Variants in SEMA3D observed in about 807,000 individuals in gnomAD.
SEMA3D encodes semaphorin 3D.
A neutral mutation model predicts 100.1 loss-of-function variants in SEMA3D; 84 were observed. The ratio of observed to expected loss-of-function variants is 0.84; its 90% CI spans 0.70 to 1.01. The LOEUF (loss-of-function observed/expected upper bound fraction) is 1.01. Among genes scored for constraint, SEMA3D ranks in the 50% least tolerant of loss-of-function variants. SEMA3D has a pLI of 0.00. For missense variants in SEMA3D, 875 were observed against 934.1 expected (o/e 0.94, Z 0.82); for synonymous variants, 312 against 320.7 (o/e 0.97, Z 0.29).
intron 1 of SEMA3D, among the ~76,000 whole-genome samples, chr7:85,155,034 T>C (rs1790546914): frequency 6.6e-6 from 1 of 152,168 alleles, no homozygotes; most frequent in South Asian, 2.1e-4. Context: ...GTAATCATCT[T>C]GCATTGCAAA....
intron 1 of SEMA3D, among the ~76,000 whole-genome samples, chr7:85,176,785 T>C: frequency 6.9e-6 from 1 of 144,626 alleles, no homozygotes. Context: ...TGTATACATA[T>C]ATATATATAG....
chr7:85,221,477 G>A, the SEMA3D span, among the ~76,000 whole-genome samples: 1 of 152,036 alleles, frequency 6.6e-6, no homozygotes, highest in South Asian at 2.1e-4. Flanking sequence ...CAAACACTGT[G>A]TTCCTGAAAC....
At chr7:85,216,445 TTAC>T in the SEMA3D span, among the ~76,000 whole-genome samples, 76 of 151,784 alleles carry the variant, frequency 5.0e-4, no homozygotes, top group African/African-American at 1.8e-3. Flanking sequence ...ATTTCCCACT[TTAC>T]TACACACAAT....
At chr7:85,156,380 G>A (rs139187040) in intron 1 of SEMA3D, among the ~76,000 whole-genome samples, 16 of 152,134 alleles carry the variant, frequency 1.1e-4, no homozygotes, top group African/African-American at 3.4e-4. Flanking sequence ...GATTACAGGC[G>A]TGAGCCACCA....
chr7:85,088,597 G>A (rs544745738), intron 4 of SEMA3D, among the ~76,000 whole-genome samples: 1 of 152,272 alleles, frequency 6.6e-6, no homozygotes, highest in Admixed American at 6.5e-5. Flanking sequence ...GGTTACTCTG[G>A]GTTCCCAGGA....
At chr7:85,081,716 G>T in intron 4 of SEMA3D, 137 bp from the exon 5 acceptor site, 1 of 620,900 alleles carries the variant, frequency 1.6e-6, no homozygotes, top group South Asian at 2.2e-5. Context: ...TGGGAAATTT[G>T]AGATTTAAAT....
chr7:85,216,357 T>TGTGTG, the SEMA3D span, among the ~76,000 whole-genome samples: 1 of 146,152 alleles, frequency 6.8e-6, no homozygotes, highest in Admixed American at 6.9e-5. Context: ...AATAAGAGTG[T>TGTGTG]TGTGTGTGTG....
chr7:85,159,469 C>T (rs1460554823), intron 1 of SEMA3D, among the ~76,000 whole-genome samples: 1 of 152,174 alleles, frequency 6.6e-6, no homozygotes, highest in African/African-American at 2.4e-5. Context: ...TTTCCATCTT[C>T]TGTCACTTCC....
At chr7:85,115,113 G>A (rs1789201042) in intron 3 of SEMA3D, among the ~76,000 whole-genome samples, 1 of 152,110 alleles carries the variant, frequency 6.6e-6, no homozygotes, top group African/African-American at 2.4e-5. Context: ...ATCAGTTTTG[G>A]TCAAATATCA....
At chr7:85,243,467 G>T in the SEMA3D span, among the ~76,000 whole-genome samples, 2 of 152,020 alleles carry the variant, frequency 1.3e-5, no homozygotes, top group Non-Finnish European at 2.9e-5. Flanking sequence ...GTCCGTTTGT[G>T]GGTTTCTGCT....
At chr7:85,205,067 C>T in the SEMA3D span, among the ~76,000 whole-genome samples, 3 of 151,988 alleles carry the variant, frequency 2.0e-5, 1 homozygote, top group East Asian at 3.9e-4. Flanking sequence ...CACAAATATG[C>T]TAGTCATTCA....
intron 2 of SEMA3D, among the ~76,000 whole-genome samples, chr7:85,127,212 G>A (rs1217744704): frequency 2.0e-5 from 3 of 152,074 alleles, no homozygotes. Context: ...ATTATCATCA[G>A]AAATTAGTTG....
chr7:85,072,852 G>C (rs1484008207), intron 6 of SEMA3D, 110 bp downstream of exon 6: 4 of 850,904 alleles, frequency 4.7e-6, no homozygotes, highest in Middle Eastern at 3.5e-4. Context: ...TCCATGCCTG[G>C]CCATATATGT....
chr7:85,240,059 C>G, the SEMA3D span, among the ~76,000 whole-genome samples: 1 of 152,070 alleles, frequency 6.6e-6, no homozygotes, highest in African/African-American at 2.4e-5. Flanking sequence ...TTGAAAAGCT[C>G]TGGTGGGAGG....
intron 2 of SEMA3D, among the ~76,000 whole-genome samples, chr7:85,126,181 C>T (rs558717208): frequency 6.6e-6 from 1 of 151,960 alleles, no homozygotes; most frequent in African/African-American, 2.4e-5. Context: ...ATTTGAGGAG[C>T]AAGAAATATG....
rs543817456 is a variant in SEMA3D, at chr7:84,996,376, A to G, written c.*3064T>C. 4 of 152,148 alleles carry G rather than the reference A, an allele frequency of 2.6e-5. No homozygotes were observed. Among genetic ancestry groups the G allele is most frequent in the Admixed American group, 2.6e-4 (4 of 15,284 alleles). The allele number at this position is 152,148 out of a possible 1,614,324, so 9.4% of individuals were successfully genotyped here. On this transcript the variant is annotated 3_prime_UTR_variant, in exon 19 of 19. Transcript: ENST00000284136. ...TTGTAGCCAGCATATTGTAAAGAGC[A>G]TTATTTTAGCCAACAGAATGATGAG...
the SEMA3D span, among the ~76,000 whole-genome samples, chr7:85,195,009 C>T: frequency 6.6e-6 from 1 of 152,074 alleles, no homozygotes; most frequent in African/African-American, 2.4e-5. Context: ...TTTAGGACTT[C>T]AATACATATG....
At chr7:85,042,442 G>A (rs117968188) in intron 9 of SEMA3D, among the ~76,000 whole-genome samples, 157 bp from the exon 10 acceptor site, 1 of 152,058 alleles carries the variant, frequency 6.6e-6, no homozygotes, top group Non-Finnish European at 1.5e-5. Context: ...TAAGGAAAAA[G>A]ACAGTATTAG....
At chr7:85,159,435 C>T (rs1486920325) in intron 1 of SEMA3D, among the ~76,000 whole-genome samples, 1 of 152,118 alleles carries the variant, frequency 6.6e-6, no homozygotes, top group East Asian at 1.9e-4. Context: ...TCTTTATTAC[C>T]TAATTCATGA....
Sources: gnomAD v4.1 joint callset for allele counts (sites outside exome capture counted in the v4.1 genomes callset) on GRCh38, gnomAD v4.1.1 for gene constraint, MANE v1.5 for transcripts, NCBI Gene and HGNC (gene_info 2026-07-23, HGNC 2026-07-21) for gene names.